DRC11: variants seen among roughly 807,000 people sequenced by gnomAD.
DRC11 encodes IQ and AAA domain-containing protein 1.
chr2:236,341,561 C>T, the DRC11 span, among the ~76,000 whole-genome samples: 6,761 of 152,164 alleles, frequency 0.044, 484 homozygotes, highest in African/African-American at 0.15. Flanking sequence ...CAGAGAATTC[C>T]GGAGTAGGGC....
chr2:236,480,972 T>C, the DRC11 span, among the ~76,000 whole-genome samples: 4 of 152,332 alleles, frequency 2.6e-5, no homozygotes, highest in East Asian at 7.7e-4. Context: ...CAGGTTTGCA[T>C]TAGCTCTAGC....
At chr2:236,354,637 G>A in the DRC11 span, among the ~76,000 whole-genome samples, 1 of 152,100 alleles carries the variant, frequency 6.6e-6, no homozygotes, top group Non-Finnish European at 1.5e-5. Flanking sequence ...GTGTTTCTGG[G>A]TTGCCTAAAC....
At chr2:236,313,933 G>T in the DRC11 span, among the ~76,000 whole-genome samples, 1 of 152,152 alleles carries the variant, frequency 6.6e-6, no homozygotes, top group Non-Finnish European at 1.5e-5. This position sits in a 1 kb window ranked among gnomAD's most constrained non-coding sequence, Gnocchi z 4.5. Context: ...AGTAGATGTG[G>T]TTAGAACTGG....
chr2:236,385,020 A>G, the DRC11 span, among the ~76,000 whole-genome samples: 3 of 151,960 alleles, frequency 2.0e-5, no homozygotes, highest in Non-Finnish European at 4.4e-5. Context: ...ATTGATCTAT[A>G]TCTCTGTTTT....
At chr2:236,498,961 A>G in the DRC11 span, among the ~76,000 whole-genome samples, 1 of 152,212 alleles carries the variant, frequency 6.6e-6, no homozygotes, top group Admixed American at 6.5e-5. Flanking sequence ...GTGGGTGTGG[A>G]GAGCCCTGAT....
At chr2:236,394,844 A>G in the DRC11 span, among the ~76,000 whole-genome samples, 1 of 152,174 alleles carries the variant, frequency 6.6e-6, no homozygotes, top group African/African-American at 2.4e-5. This position sits in a 1 kb window ranked among gnomAD's most constrained non-coding sequence, Gnocchi z 7.0. Flanking sequence ...ACCTCCTACC[A>G]GCAAACCGAA....
the DRC11 span, among the ~76,000 whole-genome samples, chr2:236,345,322 C>A: frequency 6.6e-6 from 1 of 152,170 alleles, no homozygotes; most frequent in Non-Finnish European, 1.5e-5. Flanking sequence ...CCCCACCCCC[C>A]CCAACCGCTC....
chr2:236,429,922 C>T, the DRC11 span, among the ~76,000 whole-genome samples: 4 of 152,116 alleles, frequency 2.6e-5, no homozygotes, highest in Non-Finnish European at 5.9e-5. This position sits in a 1 kb window ranked among gnomAD's most constrained non-coding sequence, Gnocchi z 5.9. Flanking sequence ...CTGTAGGATC[C>T]TCTGCAGAAT....
the DRC11 span, among the ~76,000 whole-genome samples, chr2:236,384,836 C>T: frequency 5.1e-4 from 78 of 151,562 alleles, no homozygotes; most frequent in African/African-American, 1.6e-3. Flanking sequence ...TTGATTTTTG[C>T]ATAAGGTGTA....
At chr2:236,488,096 C>A in the DRC11 span, 1 of 1,610,190 alleles carries the variant, frequency 6.2e-7, no homozygotes, top group Non-Finnish European at 8.5e-7. Context: ...AGATTTGCTT[C>A]ATGAATAAAG....
chr2:236,494,179 T>A, the DRC11 span, among the ~76,000 whole-genome samples: 3 of 152,170 alleles, frequency 2.0e-5, no homozygotes, highest in African/African-American at 4.8e-5. This position sits in a 1 kb window ranked among gnomAD's most constrained non-coding sequence, Gnocchi z 4.2. Context: ...TAGATTTCTT[T>A]AAAGAAATAC....
the DRC11 span, among the ~76,000 whole-genome samples, chr2:236,388,839 T>C: frequency 6.6e-6 from 1 of 151,666 alleles, no homozygotes; most frequent in African/African-American, 2.4e-5. Context: ...GATGGGTTTT[T>C]GGTGTGGATG....
the DRC11 span, among the ~76,000 whole-genome samples, chr2:236,355,968 C>G: frequency 6.6e-6 from 1 of 152,162 alleles, no homozygotes; most frequent in Admixed American, 6.5e-5. Flanking sequence ...CATAAGGCTG[C>G]TGGCTGTGAG....
At chr2:236,318,771 G>A in the DRC11 span, among the ~76,000 whole-genome samples, 1 of 152,072 alleles carries the variant, frequency 6.6e-6, no homozygotes, top group African/African-American at 2.4e-5. This position sits in a 1 kb window ranked among gnomAD's most constrained non-coding sequence, Gnocchi z 7.0. Flanking sequence ...TATGTGTGCC[G>A]CCAGATTGAC....
chr2:236,505,260 G>T, the DRC11 span, among the ~76,000 whole-genome samples: 13 of 152,262 alleles, frequency 8.5e-5, no homozygotes, highest in Admixed American at 8.5e-4. Flanking sequence ...GTAGGGGAGG[G>T]AAACACTTGA....
the DRC11 span, among the ~76,000 whole-genome samples, chr2:236,351,763 G>A: frequency 6.6e-6 from 1 of 152,094 alleles, no homozygotes; most frequent in African/African-American, 2.4e-5. The surrounding 1 kb of genome is among the most constrained non-coding windows in gnomAD (Gnocchi z 7.3). Flanking sequence ...CCCGCAGCGG[G>A]GGATAGGCAG....
the DRC11 span, among the ~76,000 whole-genome samples, chr2:236,307,411 C>T: frequency 6.6e-6 from 1 of 152,184 alleles, no homozygotes; most frequent in African/African-American, 2.4e-5. This position sits in a 1 kb window ranked among gnomAD's most constrained non-coding sequence, Gnocchi z 7.0. Flanking sequence ...TGCCTGCAGA[C>T]CCCTGTCCCT....
chr2:236,422,340 A>C, the DRC11 span, among the ~76,000 whole-genome samples: 7 of 152,234 alleles, frequency 4.6e-5, no homozygotes, highest in African/African-American at 1.4e-4. Context: ...CCTTAAGCTG[A>C]TAGGCAACTT....
the DRC11 span, among the ~76,000 whole-genome samples, chr2:236,468,899 G>C: frequency 2.0e-5 from 3 of 152,096 alleles, no homozygotes; most frequent in African/African-American, 7.2e-5. Context: ...TCCAAATTAC[G>C]TTGTTCCTGT....
Sources: allele counts gnomAD v4.1 joint callset (sites outside exome capture counted in the v4.1 genomes callset), GRCh38; gene constraint gnomAD v4.1.1; non-coding constraint Gnocchi (gnomAD v3.1); transcripts MANE v1.5; gene names NCBI Gene and HGNC (gene_info 2026-07-23, HGNC 2026-07-21).